MSRA: variants seen among roughly 807,000 people sequenced by gnomAD.
MSRA encodes mitochondrial peptide methionine sulfoxide reductase.
Under a neutral mutation model 31.3 loss-of-function variants are expected in MSRA, and 54 were observed. That is an observed-to-expected ratio of 1.73 (90% CI 1.39 to 2.17). The LOEUF (loss-of-function observed/expected upper bound fraction) is 2.17, where lower values mean the gene tolerates loss of function less well. MSRA is among the 30% of genes most tolerant of loss of function. The pLI is 0.00. For missense variants in MSRA, 507 were observed against 300.9 expected (o/e 1.69, Z -5.07); for synonymous variants, 169 against 116.5 (o/e 1.45, Z -2.90).
At chr8:10,368,281 C>A (rs1219970012) in intron 5 of MSRA, among the ~76,000 whole-genome samples, 1 of 152,196 alleles carries the variant, frequency 6.6e-6, no homozygotes, top group African/African-American at 2.4e-5. Context: ...TTAAGGCCTC[C>A]CCCTGCCCAG....
chr8:10,342,919 A>G (rs757560716), intron 5 of MSRA, among the ~76,000 whole-genome samples: 4 of 152,124 alleles, frequency 2.6e-5, no homozygotes, highest in African/African-American at 4.8e-5. Context: ...GAGCGTTCTC[A>G]TACATAAAAT....
In MSRA at chr8:10,301,480, G is replaced by T. The variant is rs1257964572; in HGVS notation, c.332-54G>T. The T allele has an allele frequency of 5.1e-6, 7 of 1,373,400 alleles. No homozygotes were observed. In the South Asian group the frequency reaches 8.5e-5, roughly 17 times the overall value. 85.1% of individuals were successfully genotyped at this position (1,373,400 alleles called of 1,614,324 possible). A position where few individuals can be genotyped will look rare whatever the true frequency, so the allele number is the denominator to read the frequency against. On this transcript the variant is annotated intron_variant, in intron 3 of 5. Transcript: ENST00000317173. The stretch of plus-strand genomic sequence containing the variant: ...TGTTTTTTTTGTGAACAAAAAACTT[G>T]CAATAAATGGATGTTGTCAGTAAAT...
chr8:10,272,543 A>G (rs934745877), intron 3 of MSRA, among the ~76,000 whole-genome samples: 20 of 152,208 alleles, frequency 1.3e-4, no homozygotes, highest in African/African-American at 4.8e-4. Flanking sequence ...TGTCCGCTTT[A>G]CCGGGTCTAC....
chr8:10,171,140 T>A (rs930004235), intron 1 of MSRA, among the ~76,000 whole-genome samples: 1 of 152,228 alleles, frequency 6.6e-6, no homozygotes, highest in South Asian at 2.1e-4. Context: ...TTTCCTCCTA[T>A]ACCTTTAACA....
At chr8:10,350,812 C>T (rs1051539247) in intron 5 of MSRA, among the ~76,000 whole-genome samples, 2 of 152,232 alleles carry the variant, frequency 1.3e-5, no homozygotes, top group African/African-American at 4.8e-5. Context: ...CACAGCATTG[C>T]GCCTTCCCTC....
At chr8:10,252,958 C>T (rs1797994082) in intron 3 of MSRA, among the ~76,000 whole-genome samples, 1 of 152,130 alleles carries the variant, frequency 6.6e-6, no homozygotes, top group Non-Finnish European at 1.5e-5. Context: ...TAGGTATGAA[C>T]CCTGTATGCT....
At chr8:10,324,914 G>C (rs953589925) in intron 5 of MSRA, among the ~76,000 whole-genome samples, 2 of 152,244 alleles carry the variant, frequency 1.3e-5, no homozygotes, top group Non-Finnish European at 2.9e-5. Flanking sequence ...AGCTGCACAT[G>C]TGTGAGCTCA....
chr8:10,335,079 C>T (rs1394120031), intron 5 of MSRA, among the ~76,000 whole-genome samples: 3 of 152,162 alleles, frequency 2.0e-5, no homozygotes, highest in Non-Finnish European at 2.9e-5. Context: ...GCAGGACGGG[C>T]CGGGCGCAGG....
intron 5 of MSRA, among the ~76,000 whole-genome samples, chr8:10,394,001 A>C (rs1806931513): frequency 6.6e-6 from 1 of 152,234 alleles, no homozygotes; most frequent in East Asian, 1.9e-4. Flanking sequence ...TCTGTGGCCA[A>C]TTAGAGGGCA....
At chr8:10,387,249 C>G (rs898956789) in intron 5 of MSRA, among the ~76,000 whole-genome samples, 1 of 152,222 alleles carries the variant, frequency 6.6e-6, no homozygotes, top group Non-Finnish European at 1.5e-5. Context: ...TCTATTTGAA[C>G]AGTTCTATAA....
intron 3 of MSRA, among the ~76,000 whole-genome samples, chr8:10,246,140 T>C (rs1197798639): frequency 6.6e-6 from 1 of 152,244 alleles, no homozygotes. Context: ...ATTCTCATTG[T>C]TATTATTATA....
chr8:10,115,931 G>C (rs1800645190), intron 1 of MSRA, among the ~76,000 whole-genome samples: 1 of 152,234 alleles, frequency 6.6e-6, no homozygotes, highest in African/African-American at 2.4e-5. Flanking sequence ...AAACCAGGTT[G>C]TGGTGGGGAC....
At chr8:10,273,490 G>GGATTAAATGAATTACTGTTCATAAAGTAC (rs1799152541) in intron 3 of MSRA, among the ~76,000 whole-genome samples, 2 of 151,992 alleles carry the variant, frequency 1.3e-5, no homozygotes, top group African/African-American at 4.8e-5. Context: ...TATTCTTTTA[G>GGATTAAATGAATTACTGTTCATAAAGTAC]GATTAAATGA....
intron 1 of MSRA, among the ~76,000 whole-genome samples, chr8:10,075,563 AAG>A (rs1797958946): frequency 6.6e-6 from 1 of 152,220 alleles, no homozygotes; most frequent in Non-Finnish European, 1.5e-5. Flanking sequence ...TGGTGAGTGA[AAG>A]AAATGGCTCC....
intron 1 of MSRA, among the ~76,000 whole-genome samples, chr8:10,144,236 A>G (rs1031962439): frequency 2.6e-5 from 4 of 152,168 alleles, no homozygotes; most frequent in African/African-American, 9.7e-5. Flanking sequence ...CATATTGCAA[A>G]TTGCTTTGTT....
intron 5 of MSRA, among the ~76,000 whole-genome samples, chr8:10,343,054 GACACACACAC>G (rs1202875145): frequency 4.2e-5 from 3 of 70,654 alleles, no homozygotes; most frequent in East Asian, 2.2e-3. Context: ...CACACACACA[GACACACACAC>G]ACACACACAC....
At chr8:10,246,513 A>C (rs188600476) in intron 3 of MSRA, among the ~76,000 whole-genome samples, 72 of 152,324 alleles carry the variant, frequency 4.7e-4, no homozygotes, top group Admixed American at 2.2e-3. Flanking sequence ...TGTAAAATGT[A>C]AACAGTTTTA....
rs1585049880 is a variant in MSRA at position 10,054,409 on chromosome 8, C to T, written c.-108C>T. ...GCCCCGCGCCCGCCCGCCCGCGCCC[C>T]TGCCGCCCCCCGGTTCCGGCCGCGG... On this transcript the variant is annotated 5_prime_UTR_variant, in exon 1 of 6. Coordinates refer to ENST00000317173, the MANE Select transcript of MSRA (RefSeq NM_012331.5). 3 of 1,027,606 alleles carry T rather than the reference C, an allele frequency of 2.9e-6. No homozygotes were observed. The highest frequency in any genetic ancestry group is 3.6e-4 in the Middle Eastern group (1 of 2,768). 63.7% of individuals were successfully genotyped at this position (1,027,606 alleles called of 1,614,324 possible).
intron 1 of MSRA, among the ~76,000 whole-genome samples, chr8:10,186,307 A>G (rs764681980): frequency 6.6e-6 from 1 of 152,198 alleles, no homozygotes; most frequent in African/African-American, 2.4e-5. Flanking sequence ...TTTGCAGGCC[A>G]TACGGTTCCT....
Sources: allele counts gnomAD v4.1 joint callset (sites outside exome capture counted in the v4.1 genomes callset), GRCh38; gene constraint gnomAD v4.1.1; transcripts MANE v1.5; gene names NCBI Gene and HGNC (gene_info 2026-07-23, HGNC 2026-07-21).